The following CORO2B variants were observed in gnomAD, a reference collection of about 807,000 sequenced individuals.
CORO2B encodes the protein coronin-2B.
CORO2B carries 26 observed loss-of-function variants against 58.8 expected under a neutral mutation model. The observed-to-expected ratio is 0.44, with a 90% CI of 0.32 to 0.61. The LOEUF (loss-of-function observed/expected upper bound fraction) is 0.61, where lower values mean the gene tolerates loss of function less well. Among genes scored for constraint, CORO2B ranks in the 20% least tolerant of loss-of-function variants. The probability of loss-of-function intolerance (pLI) is 0.04; values close to 1 mark genes in which losing one functional copy is unlikely to be tolerated. For missense variants in CORO2B, 460 were observed against 645.1 expected, an observed-to-expected ratio of 0.71 and a Z score of 3.11; for synonymous variants, 242 against 253.8, an observed-to-expected ratio of 0.95 and a Z score of 0.44.
chr15:68,689,403 A>G (rs1892301747), intron 2 of CORO2B, among the ~76,000 whole-genome samples: 1 of 151,958 alleles, frequency 6.6e-6, no homozygotes, highest in Admixed American at 6.6e-5. Context: ...AACATTGAAA[A>G]ATCTTGACTC....
At chr15:68,624,870 A>T (rs1205685220) in intron 1 of CORO2B, among the ~76,000 whole-genome samples, 2 of 152,078 alleles carry the variant, frequency 1.3e-5, no homozygotes, top group Non-Finnish European at 2.9e-5. Context: ...TTCAGTAAAG[A>T]TAGGGTTTTG....
the CORO2B span, chr15:68,559,722 T>A: frequency 6.2e-5 from 51 of 829,012 alleles, no homozygotes; most frequent in African/African-American, 9.4e-4. The surrounding 1 kb of genome is among the most constrained non-coding windows in gnomAD (Gnocchi z 4.3). Context: ...AGGGGGACTG[T>A]CGGTGAGGCT....
chr15:68,620,818 G>A (rs1465627537), intron 1 of CORO2B, among the ~76,000 whole-genome samples: 1 of 152,204 alleles, frequency 6.6e-6, no homozygotes, highest in Non-Finnish European at 1.5e-5. Flanking sequence ...AAGGTTTCTA[G>A]GCCTTCCCAC....
chr15:68,577,305 G>A (rs1300012143), upstream of CORO2B, among the ~76,000 whole-genome samples: 1 of 152,162 alleles, frequency 6.6e-6, no homozygotes, highest in East Asian at 1.9e-4. Flanking sequence ...TCAAGTCCTC[G>A]CTCTGTCACT....
the CORO2B span, among the ~76,000 whole-genome samples, chr15:68,543,573 A>C: frequency 1.3e-5 from 2 of 152,124 alleles, no homozygotes; most frequent in Non-Finnish European, 2.9e-5. Flanking sequence ...ATAACTAAAA[A>C]ATGCAACTCT....
chr15:68,550,815 T>C, the CORO2B span, among the ~76,000 whole-genome samples: 1 of 152,166 alleles, frequency 6.6e-6, no homozygotes, highest in Non-Finnish European at 1.5e-5. Flanking sequence ...GCCTCTTCAT[T>C]TCCCAAAGGG....
At chr15:68,614,830 G>T (rs1390749883) in intron 1 of CORO2B, among the ~76,000 whole-genome samples, 1 of 152,236 alleles carries the variant, frequency 6.6e-6, no homozygotes, top group Non-Finnish European at 1.5e-5. Flanking sequence ...GCCCCTCACA[G>T]CCTCTTAGTG....
chr15:68,586,877 C>G (rs745792480), intron 1 of CORO2B, among the ~76,000 whole-genome samples: 1 of 152,116 alleles, frequency 6.6e-6, no homozygotes, highest in East Asian at 1.9e-4. Flanking sequence ...TCCTGGCTCT[C>G]AGGCAGGAGG....
At chr15:68,653,317 T>C (rs1323618306) in intron 2 of CORO2B, among the ~76,000 whole-genome samples, 2 of 152,106 alleles carry the variant, frequency 1.3e-5, no homozygotes, top group Non-Finnish European at 2.9e-5. Flanking sequence ...CACCTAGAGT[T>C]TGTAGTCCAA....
intron 2 of CORO2B, among the ~76,000 whole-genome samples, chr15:68,693,077 C>T (rs567331914): frequency 1.1e-4 from 16 of 152,298 alleles, no homozygotes; most frequent in Non-Finnish European, 1.8e-4. Context: ...TCTAATTTTC[C>T]CACAACATAC....
At chr15:68,693,738 G>A (rs1423563095) in intron 2 of CORO2B, among the ~76,000 whole-genome samples, 2 of 152,236 alleles carry the variant, frequency 1.3e-5, no homozygotes, top group Admixed American at 1.3e-4. Context: ...GTAAGGGGCT[G>A]GAGATTCAGA....
intron 1 of CORO2B, among the ~76,000 whole-genome samples, chr15:68,597,800 G>T (rs1211251920): frequency 1.3e-5 from 2 of 152,196 alleles, no homozygotes; most frequent in African/African-American, 2.4e-5. Context: ...CCAGTGGCCT[G>T]CACAGTTAGA....
At chr15:68,705,259 G>T (rs571575354) in intron 3 of CORO2B, among the ~76,000 whole-genome samples, 1 of 152,060 alleles carries the variant, frequency 6.6e-6, no homozygotes, top group Non-Finnish European at 1.5e-5. Flanking sequence ...CCAACATGGC[G>T]AAACCTTATC....
chr15:68,619,609 G>A (rs1900460351), intron 1 of CORO2B, among the ~76,000 whole-genome samples: 1 of 152,124 alleles, frequency 6.6e-6, no homozygotes, highest in Non-Finnish European at 1.5e-5. Flanking sequence ...ACACAAGATA[G>A]TCCCAGCAGG....
At chr15:68,714,327 G>A (rs997001052) in intron 6 of CORO2B, among the ~76,000 whole-genome samples, 1 of 152,140 alleles carries the variant, frequency 6.6e-6, no homozygotes, top group Non-Finnish European at 1.5e-5. Flanking sequence ...AGCAGGTTTG[G>A]GGACAATGAG....
chr15:68,547,020 A>G, the CORO2B span, among the ~76,000 whole-genome samples: 1 of 152,244 alleles, frequency 6.6e-6, no homozygotes, highest in Non-Finnish European at 1.5e-5. Flanking sequence ...AATATGATAC[A>G]AAATGAAGTA....
intron 8 of CORO2B, 51 bp from the exon 9 acceptor site, chr15:68,718,647 C>T: frequency 6.8e-7 from 1 of 1,478,096 alleles, no homozygotes; most frequent in Non-Finnish European, 9.4e-7. Flanking sequence ...GGTGATGTCA[C>T]TGAGACGCAG....
rs569046873 is a variant in CORO2B at position 68,694,241 on chromosome 15, T to C, written c.217-899T>C. Reference sequence around the variant, plus strand: ...AAGACTTTCTGCAGGAGGTGTCATCTAAGCTGTACAATAATAAGTGCTGTC... The same window carrying C: ...AAGACTTTCTGCAGGAGGTGTCATCCAAGCTGTACAATAATAAGTGCTGTC... On this transcript the variant is annotated intron_variant, in intron 2 of 11. Coordinates refer to ENST00000261861, the MANE Select transcript of CORO2B (RefSeq NM_006091.5). Among the ~76,000 whole-genome samples the C allele has an allele frequency of 3.3e-5, 5 of 152,332 alleles. No individual in the cohort carries two copies. The East Asian group carries it at 9.6e-4, about 29-fold the overall frequency.
chr15:68,655,389 C>T (rs370827957), intron 2 of CORO2B, among the ~76,000 whole-genome samples: 2 of 152,150 alleles, frequency 1.3e-5, no homozygotes, highest in African/African-American at 2.4e-5. Context: ...TGCCTCTCGC[C>T]GGCCCTCCTC....
Sources: allele counts gnomAD v4.1 joint callset (sites outside exome capture counted in the v4.1 genomes callset), GRCh38; gene constraint gnomAD v4.1.1; non-coding constraint Gnocchi (gnomAD v3.1); transcripts MANE v1.5; gene names NCBI Gene and HGNC (gene_info 2026-07-23, HGNC 2026-07-21).